EPHA6: variants seen among roughly 807,000 people sequenced by gnomAD.
The protein encoded by EPHA6 is EPH receptor A6, also known as ephrin type-A receptor 6.
Under a neutral mutation model 112.0 loss-of-function variants are expected in EPHA6, and 50 were observed. The observed-to-expected ratio is 0.45, with a 90% confidence interval of 0.36 to 0.56. EPHA6 has a LOEUF of 0.56. Ranked by LOEUF, EPHA6 falls within the 20% of genes least tolerant of loss-of-function variation. The pLI is 0.00. For synonymous variants in EPHA6, 529 were observed against 490.7 expected (o/e 1.08, Z -1.03); for missense variants, 1,280 against 1,417.4 (o/e 0.90, Z 1.56).
chr3:97,195,241 GTTACTTTTGTGTAACT>G (rs57807751), intron 3 of EPHA6, among the ~76,000 whole-genome samples: 62,233 of 151,668 alleles, frequency 0.41, 16,892 homozygotes, highest in African/African-American at 0.77. Context: ...ACTGTTGTAA[GTTACTTTTGTGTAACT>G]GTTTTTGATT....
intron 14 of EPHA6, among the ~76,000 whole-genome samples, chr3:97,638,455 T>C (rs1474811425): frequency 6.6e-6 from 1 of 152,136 alleles, no homozygotes; most frequent in Non-Finnish European, 1.5e-5. Flanking sequence ...ACCTCAGTAA[T>C]ATGAGGAACC....
chr3:97,457,584 A>G (rs1383610198), intron 7 of EPHA6, among the ~76,000 whole-genome samples: 1 of 152,198 alleles, frequency 6.6e-6, no homozygotes, highest in African/African-American at 2.4e-5. Flanking sequence ...GAAAGAATTT[A>G]ATTTGCATGG....
At chr3:97,414,068 T>C (rs1158005212) in intron 6 of EPHA6, among the ~76,000 whole-genome samples, 1 of 152,066 alleles carries the variant, frequency 6.6e-6, no homozygotes, top group Non-Finnish European at 1.5e-5. Context: ...ATACATTTAC[T>C]TTTTTGCTTC....
intron 3 of EPHA6, among the ~76,000 whole-genome samples, chr3:97,209,784 C>A (rs558573463): frequency 6.6e-6 from 1 of 152,140 alleles, no homozygotes; most frequent in Non-Finnish European, 1.5e-5. Flanking sequence ...GGTTGTCAAA[C>A]TTTACTGAGG....
At chr3:97,672,814 A>G (rs987325837) in intron 14 of EPHA6, among the ~76,000 whole-genome samples, 7 of 152,214 alleles carry the variant, frequency 4.6e-5, no homozygotes, top group African/African-American at 1.7e-4. Flanking sequence ...TGAGAGCAGA[A>G]ATTTATTCCT....
Position 96,948,865 on chromosome 3 carries a change from A to G in EPHA6, c.451-38465A>G, listed in dbSNP as rs189964236. 3.0e-3 allele frequency among the ~76,000 whole-genome samples: 459 copies of G among 152,268 alleles called. 3 individuals carry two copies. The highest frequency in any genetic ancestry group is 4.9e-3 in the Non-Finnish European group (330 of 68,004). ...AAAAGACTAAAGGGCACCAGAAAAG[A>G]TGGATTGCTTGAACTGAGATTGGCT... On this transcript the variant is annotated intron_variant, in intron 2 of 17. Coordinates refer to ENST00000389672, the MANE Select transcript of EPHA6 (RefSeq NM_001080448.3).
At chr3:97,417,579 A>C (rs1022502337) in intron 6 of EPHA6, among the ~76,000 whole-genome samples, 2 of 152,094 alleles carry the variant, frequency 1.3e-5, no homozygotes, top group Non-Finnish European at 2.9e-5. Flanking sequence ...TACAAAACTT[A>C]AGGGAGAATT....
At chr3:97,622,898 C>A (rs2093825135) in intron 13 of EPHA6, among the ~76,000 whole-genome samples, 1 of 151,614 alleles carries the variant, frequency 6.6e-6, no homozygotes, top group Admixed American at 6.6e-5. Flanking sequence ...ATTTGTATAT[C>A]TACTTTATAA....
intron 1 of EPHA6, among the ~76,000 whole-genome samples, chr3:96,828,158 G>T (rs541148907): frequency 2.0e-5 from 3 of 151,874 alleles, no homozygotes; most frequent in Non-Finnish European, 4.4e-5. Context: ...AAAGAAAAAA[G>T]AAAAAAAGAT....
intron 3 of EPHA6, among the ~76,000 whole-genome samples, chr3:97,126,036 G>A (rs951632424): frequency 6.6e-6 from 1 of 152,160 alleles, no homozygotes. Flanking sequence ...GCAAGGAGGC[G>A]AGTATTCAAG....
At chr3:97,170,179 G>A (rs1185843983) in intron 3 of EPHA6, among the ~76,000 whole-genome samples, 3 of 151,574 alleles carry the variant, frequency 2.0e-5, no homozygotes, top group Non-Finnish European at 4.4e-5. Context: ...AATAAGTGAA[G>A]GAGTTCTATA....
chr3:97,292,142 G>A (rs533041749), intron 5 of EPHA6, among the ~76,000 whole-genome samples: 3 of 152,236 alleles, frequency 2.0e-5, no homozygotes, highest in Non-Finnish European at 4.4e-5. Context: ...AGCGGCTTCC[G>A]CTGCGGGCAC....
In EPHA6 at chr3:96,937,689, ATG is replaced by A. The variant is rs545138901; in HGVS notation, c.451-49639_451-49638del. 4.9e-3 allele frequency among the ~76,000 whole-genome samples: 745 copies of A among 152,244 alleles called. 4 individuals are homozygous for A. The highest frequency in any genetic ancestry group is 0.016 in the African/African-American group (664 of 41,544). ...AGACATGAAGTCCTTGCCCATGCCT[ATG>A]TCCTGAATGGTATTGCCTAGGTTTT... On this transcript the variant is annotated intron_variant, in intron 2 of 17. Transcript: ENST00000389672.
At chr3:97,058,098 G>A (rs1398604968) in intron 3 of EPHA6, among the ~76,000 whole-genome samples, 2 of 151,962 alleles carry the variant, frequency 1.3e-5, no homozygotes, top group African/African-American at 4.8e-5. Flanking sequence ...GAGAGAAATA[G>A]GTAATCAATT....
intron 5 of EPHA6, among the ~76,000 whole-genome samples, chr3:97,382,763 A>G (rs1335174853): frequency 2.0e-5 from 3 of 152,048 alleles, no homozygotes; most frequent in Non-Finnish European, 2.9e-5. Context: ...AAAGGGAAAC[A>G]TGAATTAGAT....
intron 5 of EPHA6, among the ~76,000 whole-genome samples, chr3:97,249,901 A>T (rs1399887225): frequency 6.6e-6 from 1 of 152,192 alleles, no homozygotes; most frequent in African/African-American, 2.4e-5. Context: ...AAAGAGAAAA[A>T]CAATTAACAC....
intron 2 of EPHA6, among the ~76,000 whole-genome samples, chr3:96,938,196 G>A (rs2040713639): frequency 6.6e-6 from 1 of 152,002 alleles, no homozygotes; most frequent in African/African-American, 2.4e-5. Context: ...AATTACCTTG[G>A]GCAGTATGGC....
chr3:97,005,342 A>T (rs2043836503), intron 3 of EPHA6, among the ~76,000 whole-genome samples: 2 of 152,058 alleles, frequency 1.3e-5, no homozygotes, highest in Admixed American at 1.3e-4. Context: ...ATCCCTTGTT[A>T]GCTGTATTCC....
At chr3:97,176,323 A>G (rs952610182) in intron 3 of EPHA6, among the ~76,000 whole-genome samples, 2 of 151,824 alleles carry the variant, frequency 1.3e-5, no homozygotes, top group African/African-American at 4.8e-5. Flanking sequence ...GGATTTTTTC[A>G]TCAATATTTG....
Sources: allele counts gnomAD v4.1 joint callset (sites outside exome capture counted in the v4.1 genomes callset), GRCh38; gene constraint gnomAD v4.1.1; transcripts MANE v1.5; gene names NCBI Gene and HGNC (gene_info 2026-07-23, HGNC 2026-07-21).